Variants in KCND3 observed in about 807,000 individuals in gnomAD.
The protein encoded by KCND3 is potassium voltage-gated channel subfamily D member 3, also known as A-type voltage-gated potassium channel KCND3.
A neutral mutation model predicts 51.1 loss-of-function variants in KCND3; 9 were observed. That is an observed-to-expected ratio of 0.18 (90% CI 0.11 to 0.31). The LOEUF is 0.31. KCND3 is among the 10% of genes least tolerant of loss of function. The pLI, the probability that KCND3 is intolerant of heterozygous loss-of-function variation, is 1.00. For missense variants in KCND3, 526 were observed against 903.8 expected (o/e 0.58, Z 5.36); for synonymous variants, 349 against 368.0 (o/e 0.95, Z 0.59).
intron 2 of KCND3, among the ~76,000 whole-genome samples, chr1:111,826,785 G>A (rs1301641080): frequency 2.0e-5 from 3 of 152,300 alleles, no homozygotes; most frequent in Non-Finnish European, 4.4e-5. Flanking sequence ...GATAATAACA[G>A]CTAATGTTTA....
At position 111,873,269 on chromosome 1, in the gene KCND3, T is replaced by C. The variant is rs958488792; in HGVS notation, c.1107-86163A>G. Among the ~76,000 whole-genome samples, 6 of 152,182 alleles carry C rather than the reference T, an allele frequency of 3.9e-5. No individual in the cohort carries two copies. The East Asian group carries it at 1.2e-3, about 29-fold the overall frequency. ...GGTGGTGGTACAAAGGATGAAGCAC[T>C]CAGACAAGAACAGACCCTGCCCTCA... On this transcript the variant is annotated intron_variant, in intron 2 of 7. Coordinates refer to ENST00000302127, the MANE Select transcript of KCND3 (RefSeq NM_001378969.1).
chr1:111,890,204 A>G (rs143383722), intron 2 of KCND3, among the ~76,000 whole-genome samples: 2 of 152,202 alleles, frequency 1.3e-5, no homozygotes, highest in Admixed American at 6.5e-5. Context: ...TGAGTAGATA[A>G]GGAGTCAGGA....
chr1:111,825,336 G>T (rs1367079077), intron 2 of KCND3, among the ~76,000 whole-genome samples: 1 of 152,118 alleles, frequency 6.6e-6, no homozygotes, highest in Non-Finnish European at 1.5e-5. Context: ...AGCTCAGGTT[G>T]TTCTTAAATG....
At chr1:111,816,620 T>G (rs774928651) in intron 2 of KCND3, among the ~76,000 whole-genome samples, 14 of 152,242 alleles carry the variant, frequency 9.2e-5, no homozygotes, top group African/African-American at 3.4e-4. Context: ...GCGCTTCTAC[T>G]GTGTCTTCAT....
At chr1:111,915,661 G>A (rs1368129641) in intron 2 of KCND3, among the ~76,000 whole-genome samples, 1 of 150,682 alleles carries the variant, frequency 6.6e-6, no homozygotes, top group African/African-American at 2.4e-5. Flanking sequence ...GCTGAGGCAG[G>A]AGAATGGCGT....
intron 2 of KCND3, among the ~76,000 whole-genome samples, chr1:111,887,048 T>C (rs1336715989): frequency 6.6e-6 from 1 of 152,064 alleles, no homozygotes; most frequent in African/African-American, 2.4e-5. Flanking sequence ...GAGTGAGGCA[T>C]ACGGAGAGAG....
At chr1:111,978,814 G>T (rs1674785353) in intron 2 of KCND3, among the ~76,000 whole-genome samples, 1 of 152,150 alleles carries the variant, frequency 6.6e-6, no homozygotes, top group Non-Finnish European at 1.5e-5. Flanking sequence ...TCAAGCAAAT[G>T]GAAGAGGCAC....
chr1:111,938,711 TTGGC>T (rs1672338235), intron 2 of KCND3, among the ~76,000 whole-genome samples: 1 of 152,140 alleles, frequency 6.6e-6, no homozygotes, highest in African/African-American at 2.4e-5. Flanking sequence ...AGGAACGTGC[TTGGC>T]TAAAGAGAAG....
chr1:111,898,944 C>T (rs969577381), intron 2 of KCND3, among the ~76,000 whole-genome samples: 2 of 152,176 alleles, frequency 1.3e-5, no homozygotes, highest in African/African-American at 2.4e-5. Flanking sequence ...CACCATCTTA[C>T]TGTTCTTTTT....
chr1:111,969,318 T>C (rs1674196236), intron 2 of KCND3, among the ~76,000 whole-genome samples: 1 of 152,098 alleles, frequency 6.6e-6, no homozygotes, highest in African/African-American at 2.4e-5. Context: ...CCTGGTGTGG[T>C]AGGACATTGG....
chr1:111,926,177 TG>T (rs1172619875), intron 2 of KCND3, among the ~76,000 whole-genome samples: 4 of 152,120 alleles, frequency 2.6e-5, no homozygotes, highest in African/African-American at 9.7e-5. Context: ...TCAACTGAGT[TG>T]GGGGACATTA....
At chr1:111,813,461 T>C (rs1384106660) in intron 2 of KCND3, among the ~76,000 whole-genome samples, 3 of 152,174 alleles carry the variant, frequency 2.0e-5, no homozygotes, top group Admixed American at 6.5e-5. Flanking sequence ...GGTCAGAGCC[T>C]CCTGACCCTC....
chr1:111,832,302 C>G (rs1666868478), intron 2 of KCND3, among the ~76,000 whole-genome samples: 1 of 152,192 alleles, frequency 6.6e-6, no homozygotes, highest in South Asian at 2.1e-4. Context: ...TGGTTTGTAA[C>G]TCCGAGAGAA....
chr1:111,882,799 G>C (rs1669395261), intron 2 of KCND3, among the ~76,000 whole-genome samples: 2 of 152,152 alleles, frequency 1.3e-5, no homozygotes, highest in South Asian at 2.1e-4. Context: ...TGGTGGAAGA[G>C]AGTCCAGCAG....
intron 3 of KCND3, 55 bp downstream of exon 3, chr1:111,786,889 T>G: frequency 6.2e-7 from 1 of 1,606,634 alleles, no homozygotes; most frequent in Admixed American, 1.7e-5. Flanking sequence ...GCTCCCTGAC[T>G]GGTGCTCCCC....
At chr1:111,958,932 C>T (rs558605681) in intron 2 of KCND3, among the ~76,000 whole-genome samples, 11 of 152,326 alleles carry the variant, frequency 7.2e-5, no homozygotes, top group South Asian at 4.1e-4. Context: ...TGTTCTCCAG[C>T]TCTGCCATTA....
chr1:111,898,226 C>T (rs937442526), intron 2 of KCND3, among the ~76,000 whole-genome samples: 5 of 141,176 alleles, frequency 3.5e-5, no homozygotes, highest in African/African-American at 1.5e-4. Context: ...CATTTTAGCT[C>T]TTACCTTAGC....
At chr1:111,877,669 T>C (rs1017670748) in intron 2 of KCND3, among the ~76,000 whole-genome samples, 2 of 152,314 alleles carry the variant, frequency 1.3e-5, no homozygotes, top group Admixed American at 6.5e-5. Flanking sequence ...GAGGATCTCA[T>C]ATATTATTCC....
At chr1:111,850,335 A>G (rs1049178275) in intron 2 of KCND3, among the ~76,000 whole-genome samples, 2 of 151,716 alleles carry the variant, frequency 1.3e-5, no homozygotes, top group South Asian at 4.2e-4. Flanking sequence ...GACTGACAGC[A>G]CCCCCACCCC....
Sources: gnomAD v4.1 joint callset for allele counts (sites outside exome capture counted in the v4.1 genomes callset) on GRCh38, gnomAD v4.1.1 for gene constraint, MANE v1.5 for transcripts, NCBI Gene and HGNC (gene_info 2026-07-23, HGNC 2026-07-21) for gene names.